The following AGBL1 variants were observed in gnomAD, a reference collection of about 807,000 sequenced individuals.
The protein encoded by AGBL1 is cytosolic carboxypeptidase 4.
In AGBL1, 130 loss-of-function variants were observed where a neutral mutation model predicts 118.9. The ratio of observed to expected loss-of-function variants is 1.09; its 90% CI spans 0.95 to 1.26. The LOEUF is 1.26. Among genes scored for constraint, AGBL1 ranks in the 50% most tolerant of loss-of-function variants. AGBL1 has a pLI of 0.00. For synonymous variants in AGBL1, 555 were observed against 478.9 expected (o/e 1.16, Z -2.08); for missense variants, 1,584 against 1,298.1 (o/e 1.22, Z -3.38).
At chr15:86,347,056 G>T (rs536043927) in intron 17 of AGBL1, among the ~76,000 whole-genome samples, 1 of 152,226 alleles carries the variant, frequency 6.6e-6, no homozygotes, top group Non-Finnish European at 1.5e-5. Flanking sequence ...CCCAATTACT[G>T]GATTTGACAG....
intron 3 of AGBL1, among the ~76,000 whole-genome samples, chr15:86,153,898 G>GA (rs2077151896): frequency 6.6e-6 from 1 of 151,962 alleles, no homozygotes; most frequent in Admixed American, 6.6e-5. Flanking sequence ...GCATTTCTTT[G>GA]AAAAGAGACA....
At chr15:86,381,013 C>T (rs1422517536) in intron 17 of AGBL1, among the ~76,000 whole-genome samples, 3 of 152,136 alleles carry the variant, frequency 2.0e-5, no homozygotes, top group African/African-American at 7.2e-5. Flanking sequence ...GAATTAAACA[C>T]ATATACTCAG....
chr15:86,473,744 T>G (rs1486258845), intron 18 of AGBL1, among the ~76,000 whole-genome samples: 1 of 152,254 alleles, frequency 6.6e-6, no homozygotes, highest in Non-Finnish European at 1.5e-5. Context: ...ATGACTATGC[T>G]GTTTTTGGAA....
intron 14 of AGBL1, 32 bp from the exon 15 acceptor site, chr15:86,271,586 CT>C (rs1567170224): frequency 6.5e-7 from 1 of 1,540,338 alleles, no homozygotes; most frequent in East Asian, 2.2e-5. Context: ...CTCTCTTTCC[CT>C]CATGGATTAA....
At chr15:86,957,076 A>G (rs1286235480) in intron 23 of AGBL1, among the ~76,000 whole-genome samples, 1 of 152,156 alleles carries the variant, frequency 6.6e-6, no homozygotes, top group Non-Finnish European at 1.5e-5. Flanking sequence ...GATAAGGGCA[A>G]TCAATCTAGT....
At chr15:86,149,594 T>G (rs554562807) in intron 3 of AGBL1, among the ~76,000 whole-genome samples, 75 of 152,290 alleles carry the variant, frequency 4.9e-4, no homozygotes, top group African/African-American at 1.6e-3. Flanking sequence ...TAAATATATA[T>G]GCATCCAATA....
At chr15:87,031,073 A>G (rs1316234531), downstream of AGBL1, among the ~76,000 whole-genome samples, 1 of 152,052 alleles carries the variant, frequency 6.6e-6, no homozygotes, top group East Asian at 1.9e-4. Flanking sequence ...ATATTTGCCT[A>G]CTTCTTCAAT....
chr15:86,999,408 T>TC (rs200174114), intron 24 of AGBL1, among the ~76,000 whole-genome samples: 13,568 of 145,362 alleles, frequency 0.093, 876 homozygotes, highest in East Asian at 0.28. Flanking sequence ...AGTGTGATAT[T>TC]CCCCTTCCTG....
chr15:86,872,158 C>G (rs1567217669), intron 22 of AGBL1, among the ~76,000 whole-genome samples: 2 of 152,194 alleles, frequency 1.3e-5, no homozygotes, highest in Non-Finnish European at 2.9e-5. Flanking sequence ...GTCAGGACAG[C>G]TGTAGTAGTC....
intron 22 of AGBL1, among the ~76,000 whole-genome samples, chr15:86,848,269 A>G (rs970532754): frequency 1.3e-5 from 2 of 152,158 alleles, no homozygotes; most frequent in African/African-American, 4.8e-5. Flanking sequence ...CAAAGCCTGA[A>G]AATGGTTTTT....
chr15:86,300,608 A>G (rs2079730091), intron 17 of AGBL1, among the ~76,000 whole-genome samples: 1 of 152,128 alleles, frequency 6.6e-6, no homozygotes, highest in Non-Finnish European at 1.5e-5. Context: ...GCCACCCTGC[A>G]TTTATTATAA....
At position 86,187,858 on chromosome 15, in the gene AGBL1, C is replaced by G. The variant is rs76894470; in HGVS notation, c.488+28832C>G. ...GTCAACATCTTCCCTAAGGCTTGCT[C>G]AAAACGCTGCTTCCTTTTACGTTGC... On this transcript the variant is annotated intron_variant, in intron 5 of 22. Transcript: ENST00000614907. Among the ~76,000 whole-genome samples the G allele has an allele frequency of 8.7e-3, 1,322 of 152,240 alleles. 18 individuals are homozygous for G. The highest frequency in any genetic ancestry group is 0.031 in the African/African-American group (1,279 of 41,546).
At chr15:86,296,316 C>G (rs571094023) in intron 17 of AGBL1, 1 of 152,104 alleles carries the variant, frequency 6.6e-6, no homozygotes, top group African/African-American at 2.4e-5. Context: ...AGCTGGATGC[C>G]CAGCTTAATT....
intron 22 of AGBL1, among the ~76,000 whole-genome samples, chr15:86,719,828 C>T (rs1454395908): frequency 1.3e-5 from 2 of 152,162 alleles, no homozygotes; most frequent in East Asian, 1.9e-4. Flanking sequence ...TGGAAATACC[C>T]GTGCCTGTTT....
chr15:86,752,405 A>G (rs996106311), intron 22 of AGBL1, among the ~76,000 whole-genome samples: 2 of 152,154 alleles, frequency 1.3e-5, no homozygotes, highest in Non-Finnish European at 2.9e-5. Flanking sequence ...TCCAGATTTT[A>G]AAGACAAAGC....
At chr15:86,804,267 AG>A (rs1318854936) in intron 22 of AGBL1, among the ~76,000 whole-genome samples, 1 of 152,180 alleles carries the variant, frequency 6.6e-6, no homozygotes, top group Non-Finnish European at 1.5e-5. Flanking sequence ...TTCTCTGACA[AG>A]CTTTTGACAT....
chr15:86,688,670 T>G (rs555324768), intron 22 of AGBL1, among the ~76,000 whole-genome samples: 1 of 152,268 alleles, frequency 6.6e-6, no homozygotes, highest in East Asian at 1.9e-4. Flanking sequence ...TGAAGTGAAA[T>G]GTTCAAACAA....
intron 19 of AGBL1, among the ~76,000 whole-genome samples, chr15:86,535,587 C>G (rs533427898): frequency 6.6e-6 from 1 of 152,302 alleles, no homozygotes; most frequent in East Asian, 1.9e-4. Context: ...AAGAGCGCAT[C>G]AATTTCTGTT....
At position 86,911,837 on chromosome 15, in the gene AGBL1, C is replaced by T. The variant is rs537390553; in HGVS notation, c.*4543C>T. On this transcript the variant is annotated 3_prime_UTR_variant, in exon 23 of 23. Transcript: ENST00000614907. ...TGCCAAGTTATATATAATCTCTCTT[C>T]CATGCCCCTGTTGCACTGTTTATAT... 2 of 152,302 alleles carry T rather than the reference C, an allele frequency of 1.3e-5. No individual in the cohort carries two copies. The highest frequency in any genetic ancestry group is 1.3e-4 in the Admixed American group (2 of 15,306). The allele number at this position is 152,302 out of a possible 1,614,324, so 9.4% of individuals were successfully genotyped here.
Sources: allele counts gnomAD v4.1 joint callset (sites outside exome capture counted in the v4.1 genomes callset), GRCh38; gene constraint gnomAD v4.1.1; transcripts MANE v1.5; gene names NCBI Gene and HGNC (gene_info 2026-07-23, HGNC 2026-07-21).